TUSC3: variants seen among roughly 807,000 people sequenced by gnomAD.
TUSC3 encodes tumor suppressor candidate 3, also known as dolichyl-diphosphooligosaccharide--protein glycosyltransferase subunit TUSC3.
Under a neutral mutation model 44.8 loss-of-function variants are expected in TUSC3, and 45 were observed. The ratio of observed to expected loss-of-function variants is 1.00; its 90% CI spans 0.79 to 1.29. The LOEUF is 1.29. Ranked by LOEUF, TUSC3 falls within the 50% of genes most tolerant of loss-of-function variation. TUSC3 has a pLI of 0.00. For missense variants in TUSC3, 519 were observed against 437.9 expected (o/e 1.19, Z -1.65); for synonymous variants, 212 against 152.9 (o/e 1.39, Z -2.85).
intron 2 of TUSC3, among the ~76,000 whole-genome samples, chr8:15,504,609 A>T (rs1354912691): frequency 3.8e-5 from 1 of 25,986 alleles, no homozygotes; most frequent in Middle Eastern, 0.038. Flanking sequence ...ATATATATAT[A>T]TATATATATA....
chr8:15,668,453 A>C (rs535566978), intron 5 of TUSC3, among the ~76,000 whole-genome samples: 1 of 151,876 alleles, frequency 6.6e-6, no homozygotes, highest in African/African-American at 2.4e-5. Context: ...CGTGTATCAA[A>C]ATCTATGAAG....
At chr8:15,447,794 C>G (rs1456911060) in intron 1 of TUSC3, among the ~76,000 whole-genome samples, 1 of 150,820 alleles carries the variant, frequency 6.6e-6, no homozygotes, top group Non-Finnish European at 1.5e-5. Flanking sequence ...TGTCAGAAAA[C>G]TATTACAAAT....
At chr8:15,453,403 A>G (rs887382644) in intron 1 of TUSC3, among the ~76,000 whole-genome samples, 1 of 152,208 alleles carries the variant, frequency 6.6e-6, no homozygotes, top group African/African-American at 2.4e-5. Context: ...GCACCACTAA[A>G]AAAGCAAGTA....
intron 1 of TUSC3, among the ~76,000 whole-genome samples, chr8:15,586,130 G>T (rs1410472222): frequency 6.6e-6 from 1 of 152,150 alleles, no homozygotes; most frequent in Non-Finnish European, 1.5e-5. Context: ...TTCATATAAG[G>T]TCAAGTCAGA....
chr8:15,646,166 T>C (rs1806620725), intron 2 of TUSC3, among the ~76,000 whole-genome samples: 1 of 152,124 alleles, frequency 6.6e-6, no homozygotes, highest in Non-Finnish European at 1.5e-5. Context: ...TGAAGTGACT[T>C]CCTAAAGAGA....
Position 15,606,623 on chromosome 8 carries a change from A to G in TUSC3, c.139-16457A>G, listed in dbSNP as rs368555159. Among the ~76,000 whole-genome samples, 8 of 152,208 alleles carry G rather than the reference A, an allele frequency of 5.3e-5. 1 individual carries two copies. Among genetic ancestry groups the G allele is most frequent in the African/African-American group, 1.9e-4 (8 of 41,564 alleles). On this transcript the variant is annotated intron_variant, in intron 1 of 10. Coordinates refer to ENST00000503731, the MANE Select transcript of TUSC3 (RefSeq NM_006765.4). ...CTATAATACTGTCTTGTTTCATACC[A>G]TGTTATGATGTAATCAGATTCCTCT...
intron 2 of TUSC3, among the ~76,000 whole-genome samples, chr8:15,492,965 G>C (rs915923029): frequency 6.6e-6 from 1 of 152,052 alleles, no homozygotes; most frequent in Admixed American, 6.5e-5. Context: ...ACTCCAGCCT[G>C]TGTAACAGAG....
chr8:15,658,423 G>A (rs1807265674), intron 3 of TUSC3, among the ~76,000 whole-genome samples: 1 of 151,966 alleles, frequency 6.6e-6, no homozygotes, highest in South Asian at 2.1e-4. Flanking sequence ...AAACTTTGTT[G>A]TTATGGGCAG....
intron 1 of TUSC3, among the ~76,000 whole-genome samples, chr8:15,470,178 G>C (rs1308531309): frequency 6.6e-6 from 1 of 151,670 alleles, no homozygotes; most frequent in Admixed American, 6.6e-5. Context: ...GGGAATCTGA[G>C]GTGAAAAGAT....
intron 6 of TUSC3, among the ~76,000 whole-genome samples, chr8:15,694,331 A>G (rs1809055491): frequency 6.7e-6 from 1 of 149,648 alleles, no homozygotes; most frequent in South Asian, 2.1e-4. Flanking sequence ...AATCCCAGCC[A>G]CTCAGGAGTC....
At chr8:15,449,190 A>T (rs893008783) in intron 1 of TUSC3, among the ~76,000 whole-genome samples, 1 of 152,210 alleles carries the variant, frequency 6.6e-6, no homozygotes, top group African/African-American at 2.4e-5. Flanking sequence ...TAGGACAGGG[A>T]TTTATGCTGA....
At chr8:15,783,395 C>A in the TUSC3 span, among the ~76,000 whole-genome samples, 1 of 152,068 alleles carries the variant, frequency 6.6e-6, no homozygotes, top group African/African-American at 2.4e-5. Context: ...TATGGAAGCA[C>A]AGAAAATCCT....
intron 1 of TUSC3, among the ~76,000 whole-genome samples, chr8:15,553,391 GT>G (rs1327340425): frequency 2.0e-5 from 3 of 151,676 alleles, no homozygotes; most frequent in East Asian, 3.9e-4. Flanking sequence ...CTTGGACTTC[GT>G]TGCTGGAGGA....
intron 6 of TUSC3, among the ~76,000 whole-genome samples, chr8:15,697,852 G>T (rs536670778): frequency 3.3e-5 from 5 of 152,240 alleles, no homozygotes; most frequent in African/African-American, 9.6e-5. Context: ...ACAATGCAAA[G>T]ATTATTATTT....
chr8:15,576,435 T>A (rs1355768926), intron 1 of TUSC3, among the ~76,000 whole-genome samples: 2 of 148,036 alleles, frequency 1.4e-5, no homozygotes, highest in Admixed American at 6.7e-5. Context: ...GCATTAGGTA[T>A]ATCTCCCAAT....
chr8:15,590,043 A>T (rs772200535), intron 1 of TUSC3, among the ~76,000 whole-genome samples: 1 of 152,200 alleles, frequency 6.6e-6, no homozygotes, highest in Non-Finnish European at 1.5e-5. Context: ...ATTTGGAGTT[A>T]GGCCCCACTC....
At chr8:15,846,887 A>C in the TUSC3 span, among the ~76,000 whole-genome samples, 1 of 151,832 alleles carries the variant, frequency 6.6e-6, no homozygotes, top group African/African-American at 2.4e-5. Flanking sequence ...GAAAAAAAAA[A>C]AAACACACAC....
intron 1 of TUSC3, among the ~76,000 whole-genome samples, chr8:15,419,705 A>G (rs1435927379): frequency 6.6e-6 from 1 of 152,222 alleles, no homozygotes; most frequent in Non-Finnish European, 1.5e-5. Context: ...AGACAAGAGT[A>G]TCTCTATGAC....
chr8:15,844,931 A>G, the TUSC3 span, among the ~76,000 whole-genome samples: 70 of 152,294 alleles, frequency 4.6e-4, no homozygotes, highest in African/African-American at 1.6e-3. Flanking sequence ...AATATTTTCT[A>G]CCACCTCTTA....
Sources: allele counts gnomAD v4.1 joint callset (sites outside exome capture counted in the v4.1 genomes callset), GRCh38; gene constraint gnomAD v4.1.1; transcripts MANE v1.5; gene names NCBI Gene and HGNC (gene_info 2026-07-23, HGNC 2026-07-21).